The following SEMA5B variants were observed in gnomAD, a reference collection of about 807,000 sequenced individuals.
The protein encoded by SEMA5B is semaphorin-5B.
SEMA5B carries 66 observed loss-of-function variants against 135.0 expected under a neutral mutation model. The observed-to-expected ratio is 0.49, with a 90% CI of 0.40 to 0.60. The LOEUF (loss-of-function observed/expected upper bound fraction) is 0.60, where lower values mean the gene tolerates loss of function less well. Among genes scored for constraint, SEMA5B ranks in the 20% least tolerant of loss-of-function variants. SEMA5B has a pLI of 0.00. For missense variants in SEMA5B, 1,501 were observed against 1,566.3 expected, an observed-to-expected ratio of 0.96 and a Z score of 0.70; for synonymous variants, 690 against 639.5, an observed-to-expected ratio of 1.08 and a Z score of -1.19.
chr3:123,009,715 G>T (rs1443316766), intron 1 of SEMA5B, among the ~76,000 whole-genome samples: 1 of 152,174 alleles, frequency 6.6e-6, no homozygotes. Context: ...ACCCTACAGT[G>T]GAAACAGAAA....
intron 2 of SEMA5B, among the ~76,000 whole-genome samples, chr3:122,954,637 C>G (rs1940200958): frequency 6.6e-6 from 1 of 152,120 alleles, no homozygotes; most frequent in Non-Finnish European, 1.5e-5. Context: ...TTCCCTTTTT[C>G]CAGAGTGGTT....
At chr3:122,996,077 C>T (rs539857866) in intron 1 of SEMA5B, among the ~76,000 whole-genome samples, 77 of 152,328 alleles carry the variant, frequency 5.1e-4, no homozygotes, top group African/African-American at 1.8e-3. Context: ...GACTCCAGGG[C>T]TTTTCATCCC....
chr3:122,952,923 TGCCGCC>T (rs1188993954), intron 2 of SEMA5B, among the ~76,000 whole-genome samples: 3 of 152,144 alleles, frequency 2.0e-5, no homozygotes, highest in African/African-American at 7.2e-5. Context: ...CTAGGGGTGG[TGCCGCC>T]TCCTTGCTTA....
intron 1 of SEMA5B, among the ~76,000 whole-genome samples, chr3:122,999,572 G>A (rs529123164): frequency 4.0e-5 from 6 of 151,728 alleles, no homozygotes; most frequent in Non-Finnish European, 7.4e-5. Context: ...AACGACATCT[G>A]TACCTGAGGC....
At chr3:122,926,166 G>A (rs1234819604) in intron 9 of SEMA5B, among the ~76,000 whole-genome samples, 1 of 152,188 alleles carries the variant, frequency 6.6e-6, no homozygotes, top group African/African-American at 2.4e-5. Context: ...CCTTCATGCA[G>A]CCTAAGGCAG....
intron 11 of SEMA5B, 39 bp downstream of exon 11, chr3:122,922,201 C>G: frequency 3.2e-6 from 5 of 1,586,978 alleles, no homozygotes; most frequent in Non-Finnish European, 4.3e-6. Flanking sequence ...CCTCAACCCA[C>G]CCCCGACCTG....
Position 122,919,220 on chromosome 3 carries a change from C to CTGTG in SEMA5B, c.1688+2691_1688+2694dup, listed in dbSNP as rs140515987. On this transcript the variant is annotated intron_variant, in intron 12 of 22. Coordinates refer to ENST00000357599, the MANE Select transcript of SEMA5B (RefSeq NM_001031702.4). The stretch of plus-strand genomic sequence containing the variant: ...AAAAATGGCTGAGAGTGGGCCTTCC[C>CTGTG]TGTGCTCATGGGGCAGCCAGGGGAG... Among the ~76,000 whole-genome samples, 1,003 of 152,192 alleles carry CTGTG rather than the reference C, an allele frequency of 6.6e-3. 12 individuals carry two copies. Among genetic ancestry groups the CTGTG allele is most frequent in the African/African-American group, 0.023 (957 of 41,520 alleles).
intron 1 of SEMA5B, among the ~76,000 whole-genome samples, chr3:123,023,598 C>A (rs1233905694): frequency 6.6e-6 from 1 of 152,162 alleles, no homozygotes; most frequent in Non-Finnish European, 1.5e-5. Context: ...GAACTTGGAA[C>A]TAGGAAACAG....
At chr3:122,944,829 G>A (rs1182311303) in intron 3 of SEMA5B, among the ~76,000 whole-genome samples, 1 of 152,172 alleles carries the variant, frequency 6.6e-6, no homozygotes, top group African/African-American at 2.4e-5. Flanking sequence ...GCCTATGCAT[G>A]ACCCATGGAT....
chr3:122,961,810 A>G (rs1940595466), intron 1 of SEMA5B, among the ~76,000 whole-genome samples: 1 of 152,082 alleles, frequency 6.6e-6, no homozygotes, highest in Non-Finnish European at 1.5e-5. Context: ...TTAAGCTTCT[A>G]TAGGTTAGAA....
intron 1 of SEMA5B, among the ~76,000 whole-genome samples, chr3:122,990,553 C>A (rs56037852): frequency 2.1e-4 from 32 of 152,072 alleles, no homozygotes; most frequent in African/African-American, 7.0e-4. Context: ...ACCTGCCCCC[C>A]CAAACTCACT....
At chr3:123,010,214 A>G (rs1330967120) in intron 1 of SEMA5B, among the ~76,000 whole-genome samples, 1 of 152,192 alleles carries the variant, frequency 6.6e-6, no homozygotes, top group Non-Finnish European at 1.5e-5. Context: ...TCACACCAAC[A>G]GCAGAGGCCA....
intron 1 of SEMA5B, among the ~76,000 whole-genome samples, chr3:123,018,062 C>T (rs780380311): frequency 1.3e-5 from 2 of 152,128 alleles, no homozygotes; most frequent in East Asian, 1.9e-4. Context: ...TCAGGGGCTT[C>T]GCTTTGAGAA....
intron 2 of SEMA5B, among the ~76,000 whole-genome samples, chr3:122,955,764 G>A (rs1233871790): frequency 6.6e-6 from 1 of 152,186 alleles, no homozygotes; most frequent in African/African-American, 2.4e-5. Context: ...ACTAAGTCTG[G>A]TACCGAGTAG....
chr3:122,913,165 A>G (rs1396702374), intron 17 of SEMA5B, 34 bp downstream of exon 17: 10 of 1,508,528 alleles, frequency 6.6e-6, no homozygotes, highest in Non-Finnish European at 8.8e-6. Flanking sequence ...CGGGGCTGGG[A>G]GAGAGGAAGG....
At chr3:122,910,775 A>G in intron 22 of SEMA5B, 65 bp downstream of exon 22, 1 of 1,298,616 alleles carries the variant, frequency 7.7e-7, no homozygotes, top group South Asian at 1.5e-5. Context: ...CCACCACTGC[A>G]CTCCAGCCTG....
chr3:122,996,748 G>T (rs1942030592), intron 1 of SEMA5B, among the ~76,000 whole-genome samples: 1 of 152,176 alleles, frequency 6.6e-6, no homozygotes, highest in South Asian at 2.1e-4. Flanking sequence ...CGTTCCGTGA[G>T]ACCCCAAAGC....
chr3:122,932,603 G>T (rs1339552279), intron 5 of SEMA5B, among the ~76,000 whole-genome samples: 4 of 151,982 alleles, frequency 2.6e-5, no homozygotes, highest in Non-Finnish European at 5.9e-5. Context: ...TCAATATCCC[G>T]CTGGGCAGCA....
rs574659353 is a variant in SEMA5B, at chr3:122,983,672, C to T, written c.-38-22371G>A. 8.9e-4 allele frequency among the ~76,000 whole-genome samples: 109 copies of T among 122,330 alleles called. 1 individual carries two copies. The highest frequency in any genetic ancestry group is 3.3e-3 in the African/African-American group (104 of 31,244). 80.3% of individuals were successfully genotyped at this position (122,330 alleles called of 152,430 possible). A position where few individuals can be genotyped will look rare whatever the true frequency, so the allele number is the denominator to read the frequency against. Reference sequence around the variant, plus strand: ...GGCGGAGCTTGCAGTGAACCAAGATCACGCCACTGCACTCCAGCCTGGGCG... The same window carrying T: ...GGCGGAGCTTGCAGTGAACCAAGATTACGCCACTGCACTCCAGCCTGGGCG... On this transcript the variant is annotated intron_variant, in intron 1 of 22. Coordinates refer to ENST00000357599, the MANE Select transcript of SEMA5B (RefSeq NM_001031702.4).
Sources: allele counts gnomAD v4.1 joint callset (sites outside exome capture counted in the v4.1 genomes callset), GRCh38; gene constraint gnomAD v4.1.1; transcripts MANE v1.5; gene names NCBI Gene and HGNC (gene_info 2026-07-23, HGNC 2026-07-21).